Variants in MICAL3 observed in about 807,000 individuals in gnomAD.
The protein encoded by MICAL3 is [F-actin]-monooxygenase MICAL3.
In MICAL3, 62 loss-of-function variants were observed where a neutral mutation model predicts 207.4. That is an observed-to-expected ratio of 0.30 (90% confidence interval 0.24 to 0.37). The LOEUF is 0.37. Ranked by LOEUF, MICAL3 falls within the 10% of genes least tolerant of loss-of-function variation. MICAL3 has a pLI of 1.00. For synonymous variants in MICAL3, 1,077 were observed against 1,069.3 expected, an observed-to-expected ratio of 1.01 and a Z score of -0.14; for missense variants, 2,368 against 2,635.6, an observed-to-expected ratio of 0.90 and a Z score of 2.22.
chr22:17,987,890 G>C (rs961401793), intron 1 of MICAL3, among the ~76,000 whole-genome samples: 21 of 152,208 alleles, frequency 1.4e-4, no homozygotes, highest in African/African-American at 4.1e-4. Flanking sequence ...TAGATGGGGA[G>C]TGCCTGCACT....
intron 10 of MICAL3, among the ~76,000 whole-genome samples, 186 bp downstream of exon 10, chr22:17,895,098 C>T (rs1214626197): frequency 2.6e-5 from 4 of 152,162 alleles, no homozygotes; most frequent in Non-Finnish European, 4.4e-5. Flanking sequence ...AACTCTATGC[C>T]TTAGCTCTCA....
intron 1 of MICAL3, among the ~76,000 whole-genome samples, chr22:18,010,444 G>A (rs1469885307): frequency 6.6e-6 from 1 of 152,186 alleles, no homozygotes; most frequent in African/African-American, 2.4e-5. Context: ...CAATAGTGCA[G>A]GGAAAGTGAG....
chr22:17,833,326 G>A lies in MICAL3; in HGVS notation c.2802-1219C>T, dbSNP rs575028112. 2.0e-5 allele frequency among the ~76,000 whole-genome samples: 3 copies of A among 152,334 alleles called. No homozygotes were observed. In the East Asian group the frequency reaches 5.8e-4, roughly 29 times the overall value. The stretch of plus-strand genomic sequence containing the variant: ...GAGGCCTTGCCTGCAGTGAGAGGCC[G>A]GGGGAAATCAGCTTTCACGTTAAAG... On this transcript the variant is annotated intron_variant, in intron 20 of 31. Coordinates refer to ENST00000441493, the MANE Select transcript of MICAL3 (RefSeq NM_015241.3).
At chr22:18,002,324 G>A (rs1369673377) in intron 1 of MICAL3, among the ~76,000 whole-genome samples, 2 of 150,880 alleles carry the variant, frequency 1.3e-5, no homozygotes, top group Admixed American at 1.3e-4. Context: ...TTGGAGGAGG[G>A]CGCTAAGAGA....
chr22:17,834,216 G>T (rs528615169), intron 20 of MICAL3: 9 of 1,080,340 alleles, frequency 8.3e-6, no homozygotes, highest in Middle Eastern at 4.4e-4. Context: ...CTCTGAGTTT[G>T]CTCAATGACA....
intron 29 of MICAL3, 52 bp from the exon 30 acceptor site, chr22:17,791,353 C>A: frequency 6.8e-7 from 1 of 1,481,048 alleles, no homozygotes; most frequent in African/African-American, 1.4e-5. Context: ...CCCACCCTGG[C>A]CCGCAGGAAT....
chr22:17,899,471 G>A lies in MICAL3; in HGVS notation c.925C>T (p.Leu309=). ...ACATGTAGTATCACTCCTTTGTCCA[G>A]CAAACTCTGCTTTTTGGCTGTCATA... ...FVMTAKKQSL[L]DKGVILHDYA... The change falls in exon 7 of 32, where the codon CTG becomes TTG. Residue 309 remains leucine (L), a synonymous_variant. Coordinates refer to ENST00000441493, the MANE Select transcript of MICAL3 (RefSeq NM_015241.3). 2 of 1,608,156 alleles carry A rather than the reference G, an allele frequency of 1.2e-6. No individual in the cohort carries two copies. Among genetic ancestry groups the A allele is most frequent in the Non-Finnish European group, 8.5e-7 (1 of 1,176,386 alleles).
intron 1 of MICAL3, among the ~76,000 whole-genome samples, chr22:17,953,930 C>CAAAAAA (rs59740388): frequency 1.2e-3 from 103 of 86,512 alleles, no homozygotes; most frequent in Non-Finnish European, 1.6e-3. Context: ...GACTCCATCT[C>CAAAAAA]AAAAAAAAAA....
chr22:17,885,807 G>T, intron 16 of MICAL3, 71 bp downstream of exon 16: 1 of 1,498,518 alleles, frequency 6.7e-7, no homozygotes, highest in Non-Finnish European at 9.2e-7. Context: ...CCATCTCAAT[G>T]GATGGAAAAG....
rs111652497 is a variant in MICAL3, at chr22:17,950,344, T to G, written c.-74-43458A>C. On this transcript the variant is annotated intron_variant, in intron 1 of 31. Coordinates refer to ENST00000441493, the MANE Select transcript of MICAL3 (RefSeq NM_015241.3). ...ATCTGGCGTTTTGTTTTTGTTTTTT[T>G]TTTTTTTTTTTTTTTTGAGACGAAG... is the stretch of plus-strand genomic sequence containing the variant. 1.1e-3 allele frequency among the ~76,000 whole-genome samples: 97 copies of G among 87,520 alleles called. 1 individual carries two copies. The highest frequency in any genetic ancestry group is 4.4e-3 in the East Asian group (20 of 4,570). 57.4% of individuals were successfully genotyped at this position (87,520 alleles called of 152,430 possible). A position where few individuals can be genotyped will look rare whatever the true frequency, so the allele number is the denominator to read the frequency against.
intron 1 of MICAL3, chr22:18,006,251 C>A (rs1032383802): frequency 1.3e-5 from 2 of 152,180 alleles, no homozygotes; most frequent in Non-Finnish European, 2.9e-5. Flanking sequence ...AAATATCAGA[C>A]CCCCTTCCGT....
intron 1 of MICAL3, among the ~76,000 whole-genome samples, chr22:17,976,048 CAAA>C (rs35535653): frequency 2.7e-5 from 4 of 145,888 alleles, no homozygotes; most frequent in Non-Finnish European, 4.5e-5. Flanking sequence ...GACTGGGTCT[CAAA>C]AAAAAAAAGA....
At chr22:17,866,344 A>T (rs1927110616) in intron 17 of MICAL3, among the ~76,000 whole-genome samples, 1 of 152,232 alleles carries the variant, frequency 6.6e-6, no homozygotes, top group African/African-American at 2.4e-5. Context: ...AGGAACAAAG[A>T]TGTGGTCACA....
intron 1 of MICAL3, among the ~76,000 whole-genome samples, chr22:17,975,377 AT>A (rs900627059): frequency 6.6e-6 from 1 of 152,082 alleles, no homozygotes; most frequent in African/African-American, 2.4e-5. Flanking sequence ...TTAAAAAAAA[AT>A]CTCATACCCT....
At chr22:17,806,981 G>A (rs931307205) in intron 29 of MICAL3, among the ~76,000 whole-genome samples, 11 of 152,194 alleles carry the variant, frequency 7.2e-5, no homozygotes, top group Non-Finnish European at 1.0e-4. Context: ...GGCCACAGGC[G>A]CTCAAGTGCT....
intron 28 of MICAL3, among the ~76,000 whole-genome samples, chr22:17,809,184 C>T (rs1474837920): frequency 6.6e-6 from 1 of 152,256 alleles, no homozygotes; most frequent in African/African-American, 2.4e-5. Context: ...AAGTAGTGAC[C>T]ACCCTCCCAG....
At chr22:17,866,057 G>T in intron 17 of MICAL3, 45 bp from the exon 18 acceptor site, 1 of 1,469,944 alleles carries the variant, frequency 6.8e-7, no homozygotes, top group Non-Finnish European at 9.5e-7. Flanking sequence ...AGCCAGGCAC[G>T]GATCCTGAAC....
intron 16 of MICAL3, chr22:17,875,498 A>G: frequency 6.4e-7 from 1 of 1,556,302 alleles, no homozygotes; most frequent in Non-Finnish European, 8.7e-7. Context: ...AGGAGCGGAG[A>G]CTAAGAGAAA....
chr22:17,932,925 C>T (rs1933340810), intron 1 of MICAL3, among the ~76,000 whole-genome samples: 2 of 152,180 alleles, frequency 1.3e-5, no homozygotes, highest in African/African-American at 4.8e-5. Flanking sequence ...AGTTAACTAT[C>T]CTAAATATAC....
Sources: gnomAD v4.1 joint callset for allele counts (sites outside exome capture counted in the v4.1 genomes callset) on GRCh38, gnomAD v4.1.1 for gene constraint, MANE v1.5 for transcripts, NCBI Gene and HGNC (gene_info 2026-07-23, HGNC 2026-07-21) for gene names.